The following FMNL2 variants were observed in gnomAD, a reference collection of about 807,000 sequenced individuals.
The protein encoded by FMNL2 is formin-like protein 2.
FMNL2 carries 51 observed loss-of-function variants against 130.2 expected under a neutral mutation model. The ratio of observed to expected loss-of-function variants is 0.39; its 90% CI spans 0.31 to 0.49. The LOEUF (loss-of-function observed/expected upper bound fraction) is 0.49, where lower values mean the gene tolerates loss of function less well. Ranked by LOEUF, FMNL2 falls within the 20% of genes least tolerant of loss-of-function variation. FMNL2 has a pLI of 0.85. For synonymous variants in FMNL2, 465 were observed against 467.1 expected, an observed-to-expected ratio of 1.00 and a Z score of 0.06; for missense variants, 977 against 1,316.2, an observed-to-expected ratio of 0.74 and a Z score of 3.99.
At chr2:152,606,629 C>CTTTTTTTTTTTTTTTTTTTTTTTTTTTT (rs70974875) in intron 9 of FMNL2, among the ~76,000 whole-genome samples, 2 of 105,480 alleles carry the variant, frequency 1.9e-5, no homozygotes, top group Non-Finnish European at 3.8e-5. Context: ...TTTTTTGACT[C>CTTTTTTTTTTTTTTTTTTTTTTTTTTTT]TTTTTTTTTT....
At chr2:152,462,831 A>G (rs1558883519) in intron 1 of FMNL2, among the ~76,000 whole-genome samples, 1 of 152,204 alleles carries the variant, frequency 6.6e-6, no homozygotes, top group Non-Finnish European at 1.5e-5. Context: ...CTGCCACCAC[A>G]TAAGCAGAGA....
intron 1 of FMNL2, among the ~76,000 whole-genome samples, chr2:152,366,745 G>A (rs1683575658): frequency 6.6e-6 from 1 of 152,126 alleles, no homozygotes; most frequent in Non-Finnish European, 1.5e-5. Context: ...GTGGGTGGAT[G>A]GCTTGAGCCC....
At chr2:152,610,537 T>C (rs993161054) in intron 10 of FMNL2, among the ~76,000 whole-genome samples, 1 of 152,228 alleles carries the variant, frequency 6.6e-6, no homozygotes, top group Non-Finnish European at 1.5e-5. Flanking sequence ...ATGTTTTGTA[T>C]GAATGGAATC....
intron 1 of FMNL2, among the ~76,000 whole-genome samples, chr2:152,431,922 C>G (rs1579648928): frequency 7.0e-6 from 1 of 142,504 alleles, no homozygotes; most frequent in South Asian, 2.1e-4. Context: ...TGTGATCACA[C>G]CACTGCACTC....
intron 1 of FMNL2, chr2:152,389,821 G>A (rs2105922907): frequency 1.6e-6 from 2 of 1,278,648 alleles, no homozygotes; most frequent in East Asian, 4.6e-5. Flanking sequence ...AGGAGAAGAG[G>A]GGATGGCAAA....
intron 1 of FMNL2, among the ~76,000 whole-genome samples, chr2:152,475,073 G>A (rs1251578502): frequency 2.0e-5 from 3 of 152,226 alleles, no homozygotes; most frequent in Non-Finnish European, 2.9e-5. Context: ...GGAGGAAAAT[G>A]TGGGTACAGA....
chr2:152,599,019 C>T (rs925370815), intron 9 of FMNL2, among the ~76,000 whole-genome samples: 1 of 152,166 alleles, frequency 6.6e-6, no homozygotes, highest in Non-Finnish European at 1.5e-5. Flanking sequence ...TGTCCAAGGG[C>T]AGGGGAAGAA....
chr2:152,401,129 G>A (rs1008775582), intron 1 of FMNL2, among the ~76,000 whole-genome samples: 13 of 152,264 alleles, frequency 8.5e-5, no homozygotes, highest in Non-Finnish European at 1.5e-4. Context: ...GCCTGGGCCT[G>A]TGATATGACT....
chr2:152,541,949 T>G (rs550534502), intron 2 of FMNL2, among the ~76,000 whole-genome samples: 1 of 152,174 alleles, frequency 6.6e-6, no homozygotes, highest in African/African-American at 2.4e-5. Flanking sequence ...CTTTGGACAT[T>G]AGGGTCTATA....
intron 2 of FMNL2, among the ~76,000 whole-genome samples, chr2:152,533,546 CTTT>C (rs35382323): frequency 0.31 from 35,930 of 115,550 alleles, 4,870 homozygotes; most frequent in Admixed American, 0.45. Context: ...AATTCTCCAA[CTTT>C]TTTTTTTTTT....
At chr2:152,611,005 G>T (rs1332756326) in intron 10 of FMNL2, among the ~76,000 whole-genome samples, 1 of 152,100 alleles carries the variant, frequency 6.6e-6, no homozygotes, top group South Asian at 2.1e-4. Context: ...GTGTCTTATT[G>T]TGGTACCTCT....
chr2:152,373,706 CT>C (rs1169230606), intron 1 of FMNL2, among the ~76,000 whole-genome samples: 3 of 130,236 alleles, frequency 2.3e-5, no homozygotes, highest in Non-Finnish European at 5.3e-5. Context: ...TTTCTGGAAC[CT>C]TGTGGAAATT....
chr2:152,640,089 T>C, intron 24 of FMNL2, 33 bp downstream of exon 24: 1 of 1,516,276 alleles, frequency 6.6e-7, no homozygotes, highest in East Asian at 2.5e-5. Context: ...GACAGGTCCG[T>C]GAGGAGAGGC....
intron 4 of FMNL2, among the ~76,000 whole-genome samples, chr2:152,553,454 C>T (rs1268229495): frequency 6.6e-6 from 1 of 151,770 alleles, no homozygotes; most frequent in Admixed American, 6.6e-5. Context: ...AAGTACCTTG[C>T]TCAATTCCAC....
At chr2:152,615,132 C>A in intron 12 of FMNL2, 132 bp downstream of exon 12, 1 of 887,764 alleles carries the variant, frequency 1.1e-6, no homozygotes, top group Non-Finnish European at 1.7e-6. Context: ...CAAGAGAGAG[C>A]TATCAGAAGC....
At chr2:152,632,636 T>A (rs1682254329) in intron 21 of FMNL2, among the ~76,000 whole-genome samples, 5 of 152,236 alleles carry the variant, frequency 3.3e-5, no homozygotes, top group Admixed American at 3.3e-4. Context: ...ATAGCTGGGA[T>A]GTACAAGGTA....
intron 6 of FMNL2, among the ~76,000 whole-genome samples, chr2:152,573,913 G>A (rs553613296): frequency 2.6e-5 from 4 of 152,210 alleles, no homozygotes; most frequent in Admixed American, 6.5e-5. Flanking sequence ...TTTAAGTGTT[G>A]ATCCAGAAAA....
chr2:152,336,772 C>T (rs181203798), intron 1 of FMNL2, among the ~76,000 whole-genome samples: 1 of 152,350 alleles, frequency 6.6e-6, no homozygotes, highest in East Asian at 1.9e-4. Flanking sequence ...CTACTCCTGA[C>T]ACTTGGACAC....
At chr2:152,452,759 G>C (rs114875179) in intron 1 of FMNL2, among the ~76,000 whole-genome samples, 2,395 of 152,208 alleles carry the variant, frequency 0.016, 32 homozygotes, top group Middle Eastern at 0.051. Context: ...TACCTTTGTC[G>C]AGGGCCCGAT....
Sources: allele counts gnomAD v4.1 joint callset (sites outside exome capture counted in the v4.1 genomes callset), GRCh38; gene constraint gnomAD v4.1.1; transcripts MANE v1.5; gene names NCBI Gene and HGNC (gene_info 2026-07-23, HGNC 2026-07-21).